ECHDC3: variants seen among roughly 807,000 people sequenced by gnomAD.
ECHDC3 encodes the protein enoyl-CoA hydratase domain-containing protein 3, mitochondrial.
Under a neutral mutation model 17.9 loss-of-function variants are expected in ECHDC3, and 20 were observed. The observed-to-expected ratio is 1.12, with a 90% confidence interval of 0.79 to 1.63. The LOEUF is 1.63. Among genes scored for constraint, ECHDC3 ranks in the 40% most tolerant of loss-of-function variants. ECHDC3 has a pLI of 0.00. For missense variants in ECHDC3, 407 were observed against 357.7 expected, an observed-to-expected ratio of 1.14 and a Z score of -1.11; for synonymous variants, 177 against 149.7, an observed-to-expected ratio of 1.18 and a Z score of -1.33.
intron 3 of ECHDC3, among the ~76,000 whole-genome samples, chr10:11,750,632 C>A (rs1334085155): frequency 6.6e-6 from 1 of 152,154 alleles, no homozygotes; most frequent in Non-Finnish European, 1.5e-5. Flanking sequence ...TTATTGAGCA[C>A]CTATTATAGT....
intron 4 of ECHDC3, among the ~76,000 whole-genome samples, chr10:11,761,007 A>T (rs1460141725): frequency 6.6e-6 from 1 of 152,176 alleles, no homozygotes; most frequent in Non-Finnish European, 1.5e-5. Flanking sequence ...AGAGGTGGTG[A>T]TTTAGTCCAT....
chr10:11,747,464 A>G lies in ECHDC3; in HGVS notation c.286A>G (p.Ile96Val). 1 of 1,613,674 alleles carries G rather than the reference A, an allele frequency of 6.2e-7. No homozygotes were observed. The highest frequency in any genetic ancestry group is 1.7e-4 in the Middle Eastern group (1 of 6,060). ...CAGCAACGATCTGAAAGTCATTATC[A>G]TCTCGGGTATGTATCTGATATCTGT... ...ADSNDLKVII[I>V]SAEGPVFSSG... The change falls in exon 2 of 5, where the codon ATC becomes GTC. Residue 96 changes from isoleucine (I) to valine (V), a missense_variant. By Grantham distance (29) the Ile-to-Val change is conservative (BLOSUM62 3). Transcript: ENST00000379215.
At chr10:11,743,590 A>G (rs948975684) in intron 1 of ECHDC3, among the ~76,000 whole-genome samples, 1 of 152,180 alleles carries the variant, frequency 6.6e-6, no homozygotes, top group Non-Finnish European at 1.5e-5. Flanking sequence ...TCCAGCCCTC[A>G]TGCTCTACAG....
At chr10:11,761,647 C>T (rs1832952529) in intron 4 of ECHDC3, among the ~76,000 whole-genome samples, 1 of 152,212 alleles carries the variant, frequency 6.6e-6, no homozygotes, top group Non-Finnish European at 1.5e-5. Context: ...CTCAGCTGGG[C>T]CCCCACAAGG....
Position 11,755,832 on chromosome 10 carries a change from A to G in ECHDC3, c.591+224A>G, listed in dbSNP as rs1564284495. 7 of 497,356 alleles carry G rather than the reference A, an allele frequency of 1.4e-5. No individual in the cohort carries two copies. In the South Asian group the frequency reaches 2.1e-4, roughly 15 times the overall value. 30.8% of individuals were successfully genotyped at this position (497,356 alleles called of 1,614,324 possible). On this transcript the variant is annotated intron_variant, in intron 4 of 4. Transcript: ENST00000379215. Reference sequence around the variant, plus strand: ...CTGTAGCTTCTGACGCCAGGCGTCAATTTGTGAAATCACTGCATTTCCATC... The same window carrying G: ...CTGTAGCTTCTGACGCCAGGCGTCAGTTTGTGAAATCACTGCATTTCCATC...
chr10:11,751,629 AC>A (rs1414042144), intron 3 of ECHDC3, among the ~76,000 whole-genome samples: 4 of 152,258 alleles, frequency 2.6e-5, no homozygotes, highest in African/African-American at 9.6e-5. Flanking sequence ...GTTACAGATG[AC>A]AAGTACTGCA....
intron 4 of ECHDC3, among the ~76,000 whole-genome samples, chr10:11,759,360 AAAAAAAAAAAC>A (rs1282439767): frequency 0.062 from 1,829 of 29,372 alleles, 57 homozygotes; most frequent in African/African-American, 0.12. Flanking sequence ...ATCTCTTAAA[AAAAAAAAAAAC>A]AAAAAAAAAA....
chr10:11,758,405 G>A (rs1832908570), intron 4 of ECHDC3, among the ~76,000 whole-genome samples: 1 of 152,178 alleles, frequency 6.6e-6, no homozygotes, highest in Non-Finnish European at 1.5e-5. Flanking sequence ...CTTCCTCCCA[G>A]AACAGTCATT....
intron 4 of ECHDC3, 120 bp downstream of exon 4, chr10:11,755,728 C>A (rs1832880117): frequency 1.0e-6 from 1 of 989,788 alleles, no homozygotes; most frequent in Admixed American, 2.4e-5. Flanking sequence ...GACGTTCTGC[C>A]CAGAGTGCCT....
In ECHDC3 at chr10:11,763,578, C is replaced by T. The variant is rs1302131477; in HGVS notation, c.*34C>T. 1.1e-5 allele frequency: 16 copies of T among 1,458,306 alleles called. No homozygotes were observed. Among genetic ancestry groups the T allele is most frequent in the Non-Finnish European group, 1.4e-5 (16 of 1,107,784 alleles). 90.3% of individuals were successfully genotyped at this position (1,458,306 alleles called of 1,614,324 possible). A position where few individuals can be genotyped will look rare whatever the true frequency, so the allele number is the denominator to read the frequency against. On this transcript the variant is annotated 3_prime_UTR_variant, in exon 5 of 5. Transcript: ENST00000379215. The surrounding 1 kb of genome is among the most constrained non-coding windows in gnomAD (Gnocchi z 4.9). ...AGAGGAGTGAGGCCCACGGGCAGCG[C>T]CCAGGAGCCCACCTTCCCCTCTGGC...
In ECHDC3 at chr10:11,763,882, C is replaced by T. The variant is rs561300095; in HGVS notation, c.*338C>T. Reference sequence around the variant, plus strand: ...CAACCCATGGAGGCAGAAAGAAGGACGCCAGCCTGACCCTTATCTGAAACG... The same window carrying T: ...CAACCCATGGAGGCAGAAAGAAGGATGCCAGCCTGACCCTTATCTGAAACG... On this transcript the variant is annotated 3_prime_UTR_variant, in exon 5 of 5. Coordinates refer to ENST00000379215, the MANE Select transcript of ECHDC3 (RefSeq NM_024693.5). This position sits in a 1 kb window ranked among gnomAD's most constrained non-coding sequence, Gnocchi z 4.9. 2.8e-5 allele frequency: 30 copies of T among 1,064,368 alleles called. No homozygotes were observed. The highest frequency in any genetic ancestry group is 1.2e-4 in the African/African-American group (7 of 59,816). 65.9% of individuals were successfully genotyped at this position (1,064,368 alleles called of 1,614,324 possible). A position where few individuals can be genotyped will look rare whatever the true frequency, so the allele number is the denominator to read the frequency against.
At position 11,763,747 on chromosome 10, in the gene ECHDC3, G is replaced by A; in HGVS notation, c.*203G>A. The A allele has an allele frequency of 7.2e-7, 1 of 1,381,710 alleles. No homozygotes were observed. The highest frequency in any genetic ancestry group is 1.6e-5 in the South Asian group (1 of 60,890). The allele number at this position is 1,381,710 out of a possible 1,614,324, so 85.6% of individuals were successfully genotyped here. On this transcript the variant is annotated 3_prime_UTR_variant, in exon 5 of 5. Transcript: ENST00000379215. The surrounding 1 kb of genome is among the most constrained non-coding windows in gnomAD (Gnocchi z 4.9). ...GAGAGTGACTGAGGTGCTGACCTCA[G>A]TGCAAGGCTGGTGAACCCTGCAGCG...
At chr10:11,754,495 T>C (rs979585072) in intron 3 of ECHDC3, among the ~76,000 whole-genome samples, 1 of 152,232 alleles carries the variant, frequency 6.6e-6, no homozygotes, top group Admixed American at 6.5e-5. Flanking sequence ...TTTAGGAATT[T>C]TGTTTACTTT....
chr10:11,748,972 G>T (rs1832793986), intron 2 of ECHDC3, among the ~76,000 whole-genome samples: 2 of 152,222 alleles, frequency 1.3e-5, no homozygotes, highest in Admixed American at 6.5e-5. Flanking sequence ...GATGACAGCA[G>T]TGATAGCAGC....
At chr10:11,742,924 CGGTGG>C in intron 1 of ECHDC3, 178 bp downstream of exon 1, 1 of 662,012 alleles carries the variant, frequency 1.5e-6, no homozygotes, top group Non-Finnish European at 2.1e-6. Flanking sequence ...GTAGGGCCGT[CGGTGG>C]GACTGCCCGG....
intron 4 of ECHDC3, among the ~76,000 whole-genome samples, chr10:11,758,126 T>G (rs1408248593): frequency 6.6e-6 from 1 of 152,214 alleles, no homozygotes; most frequent in East Asian, 1.9e-4. Flanking sequence ...CGCAGGGACC[T>G]GCTTGGCTGT....
intron 4 of ECHDC3, among the ~76,000 whole-genome samples, chr10:11,759,371 CA>C (rs71513303): frequency 1.9e-4 from 14 of 74,304 alleles, no homozygotes; most frequent in African/African-American, 4.6e-4. Flanking sequence ...AAAAAAAAAA[CA>C]AAAAAAAAAA....
intron 3 of ECHDC3, among the ~76,000 whole-genome samples, chr10:11,750,558 T>G (rs1832812464): frequency 6.6e-6 from 1 of 152,180 alleles, no homozygotes. Flanking sequence ...ATCAACCCCT[T>G]GGGTAATGAA....
intron 3 of ECHDC3, among the ~76,000 whole-genome samples, chr10:11,751,127 G>C (rs1832818746): frequency 6.6e-6 from 1 of 152,186 alleles, no homozygotes; most frequent in Admixed American, 6.5e-5. Flanking sequence ...CCAATACCCA[G>C]TATGTTTGGC....
Sources: allele counts gnomAD v4.1 joint callset (sites outside exome capture counted in the v4.1 genomes callset), GRCh38; gene constraint gnomAD v4.1.1; non-coding constraint Gnocchi (gnomAD v3.1); transcripts MANE v1.5; gene names NCBI Gene and HGNC (gene_info 2026-07-23, HGNC 2026-07-21).